Variants in ZFHX3 observed in about 807,000 individuals in gnomAD.
ZFHX3 encodes the protein zinc finger homeobox protein 3.
Under a neutral mutation model 279.1 loss-of-function variants are expected in ZFHX3, and 42 were observed. The ratio of observed to expected loss-of-function variants is 0.15; its 90% CI spans 0.12 to 0.19. ZFHX3 has a LOEUF of 0.19. Ranked by LOEUF, ZFHX3 falls within the 10% of genes least tolerant of loss-of-function variation. The pLI, the probability that ZFHX3 is intolerant of heterozygous loss-of-function variation, is 1.00. For synonymous variants in ZFHX3, 2,293 were observed against 1,957.8 expected, an observed-to-expected ratio of 1.17 and a Z score of -4.52; for missense variants, 4,981 against 4,754.0, an observed-to-expected ratio of 1.05 and a Z score of -1.40.
intron 4 of ZFHX3, among the ~76,000 whole-genome samples, chr16:72,830,934 GACCA>G (rs2037046018): frequency 6.6e-6 from 1 of 152,192 alleles, no homozygotes; most frequent in Admixed American, 6.5e-5. Context: ...TCTGTCAGCA[GACCA>G]GACCCCAGCA....
intron 3 of ZFHX3, among the ~76,000 whole-genome samples, chr16:72,927,635 AC>A (rs1959527074): frequency 6.6e-6 from 1 of 152,054 alleles, no homozygotes; most frequent in Non-Finnish European, 1.5e-5. Context: ...CCAGCATGGC[AC>A]TGGGGCTGGC....
At chr16:72,868,873 G>C (rs774925640) in intron 4 of ZFHX3, among the ~76,000 whole-genome samples, 5 of 152,198 alleles carry the variant, frequency 3.3e-5, no homozygotes, top group Non-Finnish European at 7.3e-5. Context: ...ATGAAAGCAG[G>C]AATAATTACC....
In ZFHX3 at chr16:73,619,762, C is replaced by G. The variant is rs551184609; in HGVS notation, c.-1547+60418G>C. On this transcript the variant is annotated intron_variant, in intron 2 of 17. Coordinates refer to the ZFHX3 transcript ENST00000641206. The stretch of plus-strand genomic sequence containing the variant: ...TACCCCATTTCCTGCCTACCAAACC[C>G]CACTCCCACCCACTTCCACAAAACT... 4.6e-5 allele frequency among the ~76,000 whole-genome samples: 7 copies of G among 152,130 alleles called. 1 individual carries two copies. In the South Asian group the frequency reaches 1.5e-3, roughly 32 times the overall value.
intron 4 of ZFHX3, among the ~76,000 whole-genome samples, chr16:73,260,332 T>G (rs1048218892): frequency 6.6e-6 from 1 of 152,194 alleles, no homozygotes; most frequent in Non-Finnish European, 1.5e-5. Context: ...TTGTAATTGG[T>G]AAGTATCTTT....
intron 3 of ZFHX3, among the ~76,000 whole-genome samples, chr16:72,941,875 G>A (rs1048848258): frequency 6.6e-6 from 1 of 152,042 alleles, no homozygotes; most frequent in African/African-American, 2.4e-5. Flanking sequence ...TGCTGTAAGT[G>A]CTAAAAATCA....
At chr16:73,668,527 A>G (rs1266126741) in intron 2 of ZFHX3, among the ~76,000 whole-genome samples, 1 of 151,914 alleles carries the variant, frequency 6.6e-6, no homozygotes, top group African/African-American at 2.4e-5. Flanking sequence ...CATTGCTCAA[A>G]TGCCACTTAT....
chr16:73,109,230 G>A (rs1966341648), intron 7 of ZFHX3, among the ~76,000 whole-genome samples: 1 of 152,206 alleles, frequency 6.6e-6, no homozygotes, highest in South Asian at 2.1e-4. Flanking sequence ...GCATGCGTGT[G>A]CATAGGTTTC....
At chr16:73,633,304 C>G (rs2052494972) in intron 2 of ZFHX3, among the ~76,000 whole-genome samples, 1 of 151,976 alleles carries the variant, frequency 6.6e-6, no homozygotes, top group African/African-American at 2.4e-5. Context: ...TATGACTGGC[C>G]AAAAAACATG....
intron 2 of ZFHX3, among the ~76,000 whole-genome samples, chr16:73,576,047 ACCATTTC>A (rs2051796096): frequency 6.6e-6 from 1 of 152,054 alleles, no homozygotes; most frequent in Non-Finnish European, 1.5e-5. Context: ...ATTTTTCTTG[ACCATTTC>A]CCTCAGTGTT....
intron 5 of ZFHX3, among the ~76,000 whole-genome samples, chr16:73,198,527 G>A (rs1057145614): frequency 1.8e-3 from 2 of 1,090 alleles, no homozygotes; most frequent in Non-Finnish European, 5.3e-3. Flanking sequence ...TCTAGCTTTC[G>A]TTGATTATCG....
chr16:72,898,289 A>T (rs1347496285), intron 3 of ZFHX3, among the ~76,000 whole-genome samples: 1 of 152,142 alleles, frequency 6.6e-6, no homozygotes, highest in Non-Finnish European at 1.5e-5. Context: ...GGAAGTAAAA[A>T]TGTTCCCTTA....
At chr16:73,625,525 C>T (rs2052406717) in intron 2 of ZFHX3, among the ~76,000 whole-genome samples, 2 of 152,264 alleles carry the variant, frequency 1.3e-5, no homozygotes, top group Non-Finnish European at 2.9e-5. Context: ...CTTACCCCTG[C>T]ACCTAGAGTG....
chr16:73,579,466 A>T (rs2051834421), intron 2 of ZFHX3, among the ~76,000 whole-genome samples: 1 of 151,984 alleles, frequency 6.6e-6, no homozygotes, highest in East Asian at 1.9e-4. Context: ...ACACATTATT[A>T]TAAAATGTGT....
chr16:73,493,998 T>C (rs1517177), intron 2 of ZFHX3, among the ~76,000 whole-genome samples: 131,491 of 152,038 alleles, frequency 0.86, 57,144 homozygotes, highest in East Asian at 0.98. Flanking sequence ...TCTTTCTTTC[T>C]ACCTTCTCCT....
rs763680454 is a variant in ZFHX3, at chr16:72,957,525, T to G, written c.2621A>C (p.Asn874Thr). The G allele has an allele frequency of 1.9e-6, 3 of 1,614,016 alleles. No individual in the cohort carries two copies. The Admixed American group carries it at 5.0e-5, about 27-fold the overall frequency. Reference protein sequence around the residue: ...YYLAQNMNLPNLKMDSAASDA... With the variant: ...YYLAQNMNLPTLKMDSAASDA... Reference sequence around the variant, plus strand: ...CGAGGCAGCACTGTCCATCTTCAGGTTGGGCAGGTTCATGTTCTGGGCCAG... The same window carrying G: ...CGAGGCAGCACTGTCCATCTTCAGGGTGGGCAGGTTCATGTTCTGGGCCAG... The change falls in exon 2 of 10, where the codon AAC (asparagine) becomes ACC (threonine). Residue 874 changes from asparagine (N) to threonine (T), a missense_variant. Asn to Thr is a moderately conservative substitution (Grantham distance 65). This residue lies in a region of ZFHX3 where 1,751 missense variants were observed against 1,770.0 expected (regional missense o/e 0.99). Coordinates refer to ENST00000268489, the MANE Select transcript of ZFHX3 (RefSeq NM_006885.4).
At chr16:73,566,691 T>TC (rs2020455436) in intron 2 of ZFHX3, among the ~76,000 whole-genome samples, 1 of 74,598 alleles carries the variant, frequency 1.3e-5, no homozygotes, top group East Asian at 3.1e-4. Flanking sequence ...AAGCTAACTT[T>TC]TTTTTTTTTT....
chr16:73,243,378 T>G lies in ZFHX3; in HGVS notation c.-1104+13669A>C, dbSNP rs145140741. 9.2e-5 allele frequency among the ~76,000 whole-genome samples: 14 copies of G among 152,340 alleles called. No individual in the cohort carries two copies. The East Asian group carries it at 2.7e-3, about 29-fold the overall frequency. On this transcript the variant is annotated intron_variant, in intron 5 of 17. Transcript: ENST00000641206. Reference sequence around the variant, plus strand: ...ATGGCTGTGTCCCACTCACTCTCTATTCTTCACCCATTTTTGTCCTCATTG... The same window carrying G: ...ATGGCTGTGTCCCACTCACTCTCTAGTCTTCACCCATTTTTGTCCTCATTG...
chr16:72,957,362 C>A, intron 2 of ZFHX3, 65 bp downstream of exon 2: 1 of 1,525,924 alleles, frequency 6.6e-7, no homozygotes, highest in Non-Finnish European at 8.8e-7. Context: ...CTATCTCACC[C>A]TATTCACCAT....
intron 5 of ZFHX3, among the ~76,000 whole-genome samples, chr16:73,234,534 C>T (rs1223667138): frequency 6.6e-6 from 1 of 152,154 alleles, no homozygotes; most frequent in Non-Finnish European, 1.5e-5. Context: ...TCATGATGGC[C>T]AAAGCCAGGC....
Sources: gnomAD v4.1 joint callset for allele counts (sites outside exome capture counted in the v4.1 genomes callset) on GRCh38, gnomAD v4.1.1 for gene constraint, gnomAD v4.1.1 regional missense constraint, MANE v1.5 for transcripts, NCBI Gene and HGNC (gene_info 2026-07-23, HGNC 2026-07-21) for gene names.